AKT3: variants seen among roughly 807,000 people sequenced by gnomAD.
AKT3 encodes RAC-gamma serine/threonine-protein kinase.
Under a neutral mutation model 65.3 loss-of-function variants are expected in AKT3, and 15 were observed. The observed-to-expected ratio is 0.23, with a 90% CI of 0.15 to 0.35. The LOEUF (loss-of-function observed/expected upper bound fraction) is 0.35, where lower values mean the gene tolerates loss of function less well. Among genes scored for constraint, AKT3 ranks in the 10% least tolerant of loss-of-function variants. AKT3 has a pLI of 1.00. For missense variants in AKT3, 243 were observed against 576.5 expected (o/e 0.42, Z 5.92); for synonymous variants, 206 against 183.8 (o/e 1.12, Z -0.98).
At chr1:243,695,488 C>G in intron 3 of AKT3, 103 bp downstream of exon 3, 1 of 1,117,058 alleles carries the variant, frequency 9.0e-7, no homozygotes, top group Middle Eastern at 3.1e-4. Context: ...TAAATATAAA[C>G]CCAAACTTTT....
At chr1:243,574,939 C>A (rs1383460554) in intron 8 of AKT3, among the ~76,000 whole-genome samples, 1 of 152,064 alleles carries the variant, frequency 6.6e-6, no homozygotes, top group African/African-American at 2.4e-5. Context: ...ATAATATATG[C>A]AAGATTCTAG....
intron 2 of AKT3, among the ~76,000 whole-genome samples, chr1:243,810,358 C>T (rs1693050507): frequency 6.6e-6 from 1 of 152,146 alleles, no homozygotes; most frequent in South Asian, 2.1e-4. Flanking sequence ...CCACCGATCT[C>T]ACAGAAATAC....
At chr1:243,768,937 CA>C (rs1690001120) in intron 2 of AKT3, among the ~76,000 whole-genome samples, 1 of 152,030 alleles carries the variant, frequency 6.6e-6, no homozygotes, top group Non-Finnish European at 1.5e-5. Context: ...GTGCAACTAC[CA>C]CTACTAATTC....
chr1:243,815,084 G>A (rs1693421393), intron 2 of AKT3, among the ~76,000 whole-genome samples: 1 of 152,136 alleles, frequency 6.6e-6, no homozygotes, highest in Admixed American at 6.5e-5. Context: ...TCCTAGATTG[G>A]ATCTTTTCTA....
intron 2 of AKT3, among the ~76,000 whole-genome samples, chr1:243,700,212 G>C (rs1371245888): frequency 6.6e-6 from 1 of 152,160 alleles, no homozygotes. Context: ...GATTCAGTTA[G>C]CACCTTCTGA....
At chr1:243,589,306 C>CAAAAAA (rs758254217) in intron 8 of AKT3, among the ~76,000 whole-genome samples, 18 of 40,692 alleles carry the variant, frequency 4.4e-4, no homozygotes, top group Middle Eastern at 0.017. Context: ...AACTCCATCT[C>CAAAAAA]AAAAAAAAAA....
chr1:243,556,168 G>A (rs1355000095), intron 10 of AKT3, among the ~76,000 whole-genome samples: 1 of 152,026 alleles, frequency 6.6e-6, no homozygotes, highest in Non-Finnish European at 1.5e-5. Flanking sequence ...GACTCAAGGA[G>A]GTTACAGCAG....
chr1:243,818,636 C>T (rs1441379491), intron 2 of AKT3, among the ~76,000 whole-genome samples: 1 of 151,964 alleles, frequency 6.6e-6, no homozygotes, highest in Non-Finnish European at 1.5e-5. Flanking sequence ...TTGATGAAAA[C>T]AATTAAGACT....
chr1:243,661,376 C>T (rs1682312912), intron 4 of AKT3, among the ~76,000 whole-genome samples: 1 of 152,134 alleles, frequency 6.6e-6, no homozygotes, highest in Non-Finnish European at 1.5e-5. Context: ...ATCAATGGAA[C>T]AGAACAGGGC....
chr1:243,489,804 C>T (rs1665936605), intron 13 of AKT3, among the ~76,000 whole-genome samples: 1 of 152,208 alleles, frequency 6.6e-6, no homozygotes, highest in South Asian at 2.1e-4. Context: ...AAGCCTGACT[C>T]CACAGCCCAG....
At chr1:243,778,853 A>C (rs1690724783) in intron 2 of AKT3, among the ~76,000 whole-genome samples, 1 of 151,986 alleles carries the variant, frequency 6.6e-6, no homozygotes. Context: ...ATAACATCTT[A>C]TCTCCTCTCC....
downstream of AKT3, among the ~76,000 whole-genome samples, chr1:243,499,190 A>G (rs1423765507): frequency 1.3e-5 from 2 of 152,238 alleles, no homozygotes; most frequent in Non-Finnish European, 2.9e-5. Context: ...GTATCTGCGT[A>G]AAACTAAGAG....
At chr1:243,678,823 T>C (rs915194350) in intron 3 of AKT3, among the ~76,000 whole-genome samples, 1 of 152,222 alleles carries the variant, frequency 6.6e-6, no homozygotes, top group Non-Finnish European at 1.5e-5. Context: ...AAGTTTTCTT[T>C]CTTTCTAATA....
chr1:243,606,104 T>G (rs1677390004), intron 8 of AKT3, among the ~76,000 whole-genome samples: 2 of 152,196 alleles, frequency 1.3e-5, no homozygotes, highest in Non-Finnish European at 2.9e-5. Flanking sequence ...TTAAACCTCT[T>G]TCCTTTATAA....
intron 2 of AKT3, among the ~76,000 whole-genome samples, chr1:243,797,626 A>G (rs1379308414): frequency 1.3e-5 from 2 of 152,184 alleles, no homozygotes; most frequent in African/African-American, 4.8e-5. Context: ...TAAAATAGAT[A>G]TTCTCTGTTC....
chr1:243,760,160 C>T (rs1240338316), intron 2 of AKT3, among the ~76,000 whole-genome samples: 1 of 152,108 alleles, frequency 6.6e-6, no homozygotes, highest in Non-Finnish European at 1.5e-5. Context: ...CACTCTGTCG[C>T]CCAGACAGGA....
intron 11 of AKT3, 77 bp downstream of exon 11, chr1:243,552,652 T>C: frequency 1.5e-6 from 2 of 1,320,036 alleles, no homozygotes; most frequent in Non-Finnish European, 2.2e-6. Context: ...TGGAGTTAGT[T>C]ATATTTGAAT....
intron 12 of AKT3, among the ~76,000 whole-genome samples, chr1:243,532,653 C>T (rs1358488175): frequency 1.3e-5 from 2 of 152,170 alleles, no homozygotes; most frequent in African/African-American, 4.8e-5. Context: ...CAGGATAATG[C>T]TCCCTTCATA....
chr1:243,826,408 C>T (rs924155584), intron 2 of AKT3, among the ~76,000 whole-genome samples: 15 of 152,166 alleles, frequency 9.9e-5, no homozygotes, highest in Non-Finnish European at 1.6e-4. Flanking sequence ...TGCCATCTCC[C>T]GCTACAGAAA....
Sources: allele counts gnomAD v4.1 joint callset (sites outside exome capture counted in the v4.1 genomes callset), GRCh38; gene constraint gnomAD v4.1.1; transcripts MANE v1.5; gene names NCBI Gene and HGNC (gene_info 2026-07-23, HGNC 2026-07-21).